TMEM132D: variants seen among roughly 807,000 people sequenced by gnomAD.
The protein encoded by TMEM132D is transmembrane protein 132D.
In TMEM132D, 21 loss-of-function variants were observed where a neutral mutation model predicts 62.3. The observed-to-expected ratio is 0.34, with a 90% CI of 0.24 to 0.49. TMEM132D has a LOEUF of 0.49. TMEM132D is among the 20% of genes least tolerant of loss of function. The pLI, the probability that TMEM132D is intolerant of heterozygous loss-of-function variation, is 0.99. For synonymous variants in TMEM132D, 621 were observed against 575.6 expected, an observed-to-expected ratio of 1.08 and a Z score of -1.13; for missense variants, 1,346 against 1,402.8, an observed-to-expected ratio of 0.96 and a Z score of 0.65.
intron 3 of TMEM132D, among the ~76,000 whole-genome samples, chr12:129,526,165 A>T (rs747697122): frequency 6.6e-6 from 1 of 152,242 alleles, no homozygotes; most frequent in African/African-American, 2.4e-5. Flanking sequence ...AATAAAGTGA[A>T]GGAGGTAGTG....
intron 2 of TMEM132D, among the ~76,000 whole-genome samples, chr12:129,532,575 G>T (rs1198923463): frequency 6.6e-6 from 1 of 152,204 alleles, no homozygotes; most frequent in Admixed American, 6.5e-5. Context: ...GCTTGAGACT[G>T]CCCTCCTTAG....
At chr12:129,269,096 C>G (rs57532224) in intron 4 of TMEM132D, among the ~76,000 whole-genome samples, 13,890 of 151,430 alleles carry the variant, frequency 0.092, 801 homozygotes, top group Admixed American at 0.17. Context: ...GTGCAGCACA[C>G]CAACATGGCA....
Position 129,546,455 on chromosome 12 carries a change from A to T in TMEM132D, c.969-15250T>A, listed in dbSNP as rs1222420092. 3.3e-5 allele frequency among the ~76,000 whole-genome samples: 5 copies of T among 152,140 alleles called. No homozygotes were observed. In the South Asian group the frequency reaches 6.2e-4, roughly 19 times the overall value. ...CCTAGACATTAGAAACCTAAGCTAC[A>T]CCTGCATTCTCCTTTAGAGCACGTA... On this transcript the variant is annotated intron_variant, in intron 2 of 8. Transcript: ENST00000422113.
At chr12:129,409,368 A>C (rs1171855192) in intron 3 of TMEM132D, among the ~76,000 whole-genome samples, 1 of 152,214 alleles carries the variant, frequency 6.6e-6, no homozygotes, top group Non-Finnish European at 1.5e-5. Context: ...ACACAACACT[A>C]CATTCCCTTA....
At chr12:129,166,391 T>C (rs1173733953) in intron 5 of TMEM132D, among the ~76,000 whole-genome samples, 1 of 152,184 alleles carries the variant, frequency 6.6e-6, no homozygotes, top group Non-Finnish European at 1.5e-5. Flanking sequence ...GGGCCACGTA[T>C]GTTTCATCTC....
intron 3 of TMEM132D, among the ~76,000 whole-genome samples, chr12:129,447,601 T>TG (rs1212724297): frequency 2.6e-5 from 4 of 152,110 alleles, no homozygotes; most frequent in African/African-American, 9.7e-5. Flanking sequence ...ACCAGAATGA[T>TG]GGGAAAAAAA....
At chr12:129,359,733 T>C (rs1411570069) in intron 3 of TMEM132D, among the ~76,000 whole-genome samples, 1 of 151,900 alleles carries the variant, frequency 6.6e-6, no homozygotes, top group Non-Finnish European at 1.5e-5. Flanking sequence ...CTAGGAGACA[T>C]TATGAGGTAG....
At chr12:129,742,014 C>A (rs1869624833) in intron 1 of TMEM132D, among the ~76,000 whole-genome samples, 1 of 152,134 alleles carries the variant, frequency 6.6e-6, no homozygotes, top group South Asian at 2.1e-4. Context: ...TAGCATACCA[C>A]AAGGTATGCA....
intron 1 of TMEM132D, among the ~76,000 whole-genome samples, chr12:129,872,540 C>G (rs1874282179): frequency 6.6e-6 from 1 of 152,190 alleles, no homozygotes; most frequent in Non-Finnish European, 1.5e-5. Context: ...AGTCTAAAAG[C>G]TGCAAAGGTC....
At chr12:129,270,660 T>A (rs879317505) in intron 4 of TMEM132D, among the ~76,000 whole-genome samples, 82 of 152,202 alleles carry the variant, frequency 5.4e-4, no homozygotes, top group Non-Finnish European at 9.9e-4. Flanking sequence ...TGTGTGTGTG[T>A]GAGAGTGTGC....
chr12:129,533,253 G>A (rs182803345), intron 2 of TMEM132D, among the ~76,000 whole-genome samples: 119 of 152,288 alleles, frequency 7.8e-4, no homozygotes, highest in African/African-American at 2.5e-3. Context: ...ACTGGGAATC[G>A]CATGCAGACG....
At chr12:129,493,265 A>G (rs1874855275) in intron 3 of TMEM132D, among the ~76,000 whole-genome samples, 1 of 152,218 alleles carries the variant, frequency 6.6e-6, no homozygotes, top group Non-Finnish European at 1.5e-5. Flanking sequence ...CAGTCTATTA[A>G]CTCATCACAA....
chr12:129,124,739 G>A (rs1876161623), intron 5 of TMEM132D, among the ~76,000 whole-genome samples: 1 of 152,184 alleles, frequency 6.6e-6, no homozygotes, highest in South Asian at 2.1e-4. Flanking sequence ...GTCATTTCCA[G>A]CTCTGGGCTA....
chr12:129,106,200 A>T (rs2135640388), intron 5 of TMEM132D, among the ~76,000 whole-genome samples: 1 of 149,426 alleles, frequency 6.7e-6, no homozygotes, highest in Non-Finnish European at 1.5e-5. Context: ...TCTCACTCAC[A>T]GGTGGGAATT....
intron 1 of TMEM132D, among the ~76,000 whole-genome samples, chr12:129,752,863 C>T (rs1355820310): frequency 6.6e-6 from 1 of 152,056 alleles, no homozygotes. Context: ...TACTACTTGG[C>T]GAGGAGGAAG....
intron 2 of TMEM132D, among the ~76,000 whole-genome samples, chr12:129,586,847 T>C (rs1878043476): frequency 1.3e-5 from 2 of 152,042 alleles, no homozygotes; most frequent in African/African-American, 2.4e-5. Flanking sequence ...TCCAAATCAA[T>C]AGGGAAAGGA....
chr12:129,842,097 ATT>A (rs746315309), intron 1 of TMEM132D, among the ~76,000 whole-genome samples: 1,620 of 97,450 alleles, frequency 0.017, 13 homozygotes, highest in African/African-American at 0.044. Context: ...CGCCCGGCTA[ATT>A]TTTTTTTTTT....
chr12:129,508,665 T>C (rs1183841190), intron 3 of TMEM132D, among the ~76,000 whole-genome samples: 2 of 152,036 alleles, frequency 1.3e-5, no homozygotes, highest in African/African-American at 4.8e-5. Context: ...ATTATAAAAA[T>C]TAAAGGAGCT....
chr12:129,213,061 AAGGAGG>A (rs1445042377), intron 4 of TMEM132D, among the ~76,000 whole-genome samples: 1 of 152,224 alleles, frequency 6.6e-6, no homozygotes, highest in African/African-American at 2.4e-5. Context: ...ACACGGGGAA[AAGGAGG>A]CTACTAACAA....
Sources: allele counts gnomAD v4.1 joint callset (sites outside exome capture counted in the v4.1 genomes callset), GRCh38; gene constraint gnomAD v4.1.1; transcripts MANE v1.5; gene names NCBI Gene and HGNC (gene_info 2026-07-23, HGNC 2026-07-21).